Variants in NR3C2 observed in about 807,000 individuals in gnomAD.
NR3C2 encodes mineralocorticoid receptor.
Under a neutral mutation model 86.4 loss-of-function variants are expected in NR3C2, and 15 were observed. The ratio of observed to expected loss-of-function variants is 0.17; its 90% confidence interval spans 0.12 to 0.27. The LOEUF (loss-of-function observed/expected upper bound fraction) is 0.27. NR3C2 is among the 10% of genes least tolerant of loss of function. NR3C2 has a pLI of 1.00. For synonymous variants in NR3C2, 458 were observed against 450.5 expected (o/e 1.02, Z -0.21); for missense variants, 960 against 1,195.6 (o/e 0.80, Z 2.91).
chr4:148,155,546 C>T (rs1734334018), intron 4 of NR3C2, among the ~76,000 whole-genome samples: 2 of 152,024 alleles, frequency 1.3e-5, no homozygotes, highest in East Asian at 1.9e-4. Context: ...CCTAGGAATC[C>T]AACTTACAAG....
chr4:148,369,472 T>G (rs977464014), intron 2 of NR3C2, among the ~76,000 whole-genome samples: 1 of 152,332 alleles, frequency 6.6e-6, no homozygotes, highest in East Asian at 1.9e-4. Context: ...CAGAAACATA[T>G]ACTTCACTTT....
chr4:148,399,683 GACACACACACAC>G (rs3045291), intron 2 of NR3C2, among the ~76,000 whole-genome samples: 1 of 150,550 alleles, frequency 6.6e-6, no homozygotes, highest in Admixed American at 6.6e-5. Flanking sequence ...TATATATACA[GACACACACACAC>G]ACACACACAC....
chr4:148,335,674 A>G (rs996389704), intron 2 of NR3C2, among the ~76,000 whole-genome samples: 4 of 152,058 alleles, frequency 2.6e-5, no homozygotes, highest in South Asian at 2.1e-4. Context: ...TGCCCTCCTC[A>G]CTACACAGCT....
chr4:148,138,989 C>T (rs1262483951), intron 6 of NR3C2, among the ~76,000 whole-genome samples: 1 of 152,226 alleles, frequency 6.6e-6, no homozygotes, highest in Non-Finnish European at 1.5e-5. Context: ...GATGATGCGG[C>T]AGGAAGGTTC....
chr4:148,098,088 C>G (rs547178944), intron 8 of NR3C2, among the ~76,000 whole-genome samples: 1 of 152,242 alleles, frequency 6.6e-6, no homozygotes, highest in South Asian at 2.1e-4. Context: ...GGTTTCCTCC[C>G]ATCTCCTCTT....
intron 8 of NR3C2, among the ~76,000 whole-genome samples, chr4:148,108,820 T>C (rs1012680477): frequency 2.0e-5 from 3 of 152,186 alleles, no homozygotes; most frequent in African/African-American, 7.2e-5. Flanking sequence ...ACATGATGTT[T>C]TAATACAAAA....
chr4:148,311,208 C>T (rs1742883651), intron 2 of NR3C2, among the ~76,000 whole-genome samples: 1 of 152,178 alleles, frequency 6.6e-6, no homozygotes, highest in South Asian at 2.1e-4. Context: ...TCTGGGTAAC[C>T]TCATTCAGCT....
chr4:148,170,551 G>A (rs1735080042), intron 4 of NR3C2, among the ~76,000 whole-genome samples: 1 of 151,948 alleles, frequency 6.6e-6, no homozygotes. Context: ...GCAACAAATA[G>A]GCCTAGGCCT....
chr4:148,282,082 T>G (rs1320835103), intron 2 of NR3C2, among the ~76,000 whole-genome samples: 2 of 152,172 alleles, frequency 1.3e-5, no homozygotes, highest in African/African-American at 4.8e-5. Flanking sequence ...CAGGCTAGAG[T>G]GCAATGGTGT....
intron 3 of NR3C2, among the ~76,000 whole-genome samples, chr4:148,200,749 TA>T (rs1183415332): frequency 2.0e-5 from 3 of 152,216 alleles, no homozygotes; most frequent in Non-Finnish European, 4.4e-5. Context: ...TGCTATGCAG[TA>T]AGGATAAAAT....
upstream of NR3C2, chr4:148,442,991 C>T (rs1750427722): frequency 1.0e-6 from 1 of 985,166 alleles, no homozygotes; most frequent in Middle Eastern, 5.2e-4. Context: ...TGGCGCCGCC[C>T]AACAGCGTCC....
chr4:148,434,244 T>C (rs766145461), intron 2 of NR3C2, among the ~76,000 whole-genome samples: 9 of 152,162 alleles, frequency 5.9e-5, no homozygotes, highest in Non-Finnish European at 1.0e-4. Context: ...AAAACAGTAC[T>C]GAAGCAAAGT....
Position 148,079,621 on chromosome 4 carries a change from A to G in NR3C2, c.*1723T>C, listed in dbSNP as rs1730447142. On this transcript the variant is annotated 3_prime_UTR_variant, in exon 9 of 9. Coordinates refer to ENST00000358102, the MANE Select transcript of NR3C2 (RefSeq NM_000901.5). ...ATATTGTTAGTTTCCCCAAAGATAC[A>G]TATGTTTGTGATTTGGGGCAAGAGA... The G allele has an allele frequency of 6.6e-6, 1 of 152,618 alleles. No homozygotes were observed. Among genetic ancestry groups the G allele is most frequent in the African/African-American group, 2.4e-5 (1 of 41,436 alleles). 9.5% of individuals were successfully genotyped at this position (152,618 alleles called of 1,614,324 possible).
intron 2 of NR3C2, among the ~76,000 whole-genome samples, chr4:148,397,135 C>T (rs2126515683): frequency 6.6e-6 from 1 of 152,334 alleles, no homozygotes; most frequent in South Asian, 2.1e-4. Flanking sequence ...CTTTCTGGGT[C>T]CCCATGATGG....
chr4:148,373,648 G>T (rs562804224), intron 2 of NR3C2, among the ~76,000 whole-genome samples: 1 of 151,646 alleles, frequency 6.6e-6, no homozygotes, highest in East Asian at 1.9e-4. Flanking sequence ...CTAATTTTTT[G>T]TATTTTTTTA....
intron 3 of NR3C2, among the ~76,000 whole-genome samples, chr4:148,250,906 C>T (rs1289961118): frequency 3.9e-5 from 6 of 152,152 alleles, no homozygotes; most frequent in Admixed American, 1.3e-4. Flanking sequence ...TCTGCTCAAG[C>T]AGGTGTCCTC....
chr4:148,225,894 A>G (rs942624893), intron 3 of NR3C2, among the ~76,000 whole-genome samples: 1 of 152,140 alleles, frequency 6.6e-6, no homozygotes, highest in African/African-American at 2.4e-5. Context: ...TCCTCTTTCA[A>G]CAAGGACTTA....
intron 2 of NR3C2, among the ~76,000 whole-genome samples, chr4:148,408,432 G>C (rs1748528380): frequency 6.6e-6 from 1 of 152,100 alleles, no homozygotes; most frequent in African/African-American, 2.4e-5. Context: ...TTTATTTGTA[G>C]GATTTTCAGT....
intron 3 of NR3C2, among the ~76,000 whole-genome samples, chr4:148,223,313 T>C (rs1737962595): frequency 6.6e-6 from 1 of 152,142 alleles, no homozygotes; most frequent in African/African-American, 2.4e-5. Context: ...TTAAGACACA[T>C]AAGGAACCAC....
Sources: allele counts gnomAD v4.1 joint callset (sites outside exome capture counted in the v4.1 genomes callset), GRCh38; gene constraint gnomAD v4.1.1; transcripts MANE v1.5; gene names NCBI Gene and HGNC (gene_info 2026-07-23, HGNC 2026-07-21).